KIAA1958: variants seen among roughly 807,000 people sequenced by gnomAD.
KIAA1958 encodes the protein KIAA1958, also known as uncharacterized protein KIAA1958.
In KIAA1958, 14 loss-of-function variants were observed where a neutral mutation model predicts 47.2. The observed-to-expected ratio is 0.30, with a 90% confidence interval of 0.20 to 0.46. The LOEUF is 0.46. Ranked by LOEUF, KIAA1958 falls within the 20% of genes least tolerant of loss-of-function variation. KIAA1958 has a pLI of 1.00. For synonymous variants in KIAA1958, 354 were observed against 353.3 expected, an observed-to-expected ratio of 1.00 and a Z score of -0.02; for missense variants, 803 against 909.2, an observed-to-expected ratio of 0.88 and a Z score of 1.50.
At chr9:112,493,964 A>G (rs565051481) in intron 1 of KIAA1958, among the ~76,000 whole-genome samples, 1 of 152,238 alleles carries the variant, frequency 6.6e-6, no homozygotes, top group Non-Finnish European at 1.5e-5. Context: ...TTGCAAAAGC[A>G]GCTATAGATA....
chr9:112,630,383 G>A (rs1299002865), intron 2 of KIAA1958, among the ~76,000 whole-genome samples: 1 of 152,212 alleles, frequency 6.6e-6, no homozygotes, highest in Non-Finnish European at 1.5e-5. Context: ...AGTGGCAAAT[G>A]CCTGTAATTC....
At chr9:112,555,212 C>T (rs1835220324) in intron 1 of KIAA1958, among the ~76,000 whole-genome samples, 1 of 152,148 alleles carries the variant, frequency 6.6e-6, no homozygotes, top group Non-Finnish European at 1.5e-5. Context: ...TTGCTTGTTC[C>T]ATCTCCTGGG....
Position 112,664,426 on chromosome 9 carries a change from T to C in KIAA1958, c.*4357T>C, listed in dbSNP as rs544848681. On this transcript the variant is annotated 3_prime_UTR_variant, in exon 4 of 4. Transcript: ENST00000337530. ...AGATTGCTAAAAACTTTTGAGCTAG[T>C]AGACGTTACCTTTAAGCATCAATGA... 2 of 152,340 alleles carry C rather than the reference T, an allele frequency of 1.3e-5. No individual in the cohort carries two copies. Among genetic ancestry groups the C allele is most frequent in the South Asian group, 4.1e-4 (2 of 4,824 alleles). 9.4% of individuals were successfully genotyped at this position (152,340 alleles called of 1,614,324 possible). A position where few individuals can be genotyped will look rare whatever the true frequency, so the allele number is the denominator to read the frequency against.
At chr9:112,593,422 C>G (rs533555905) in intron 2 of KIAA1958, among the ~76,000 whole-genome samples, 1 of 152,284 alleles carries the variant, frequency 6.6e-6, no homozygotes, top group South Asian at 2.1e-4. Flanking sequence ...GATTTAACAG[C>G]AGCTGGACCA....
rs143165411 is a variant in KIAA1958 at position 112,539,930 on chromosome 9, A to T, written c.-24-34127A>T. ...GGTCTTGAACTCCTGACCTCAAATGATTCACCTGCCTCAGCTTCCCAAAGT... is the reference window on the plus strand; with the variant it reads ...GGTCTTGAACTCCTGACCTCAAATGTTTCACCTGCCTCAGCTTCCCAAAGT... On this transcript the variant is annotated intron_variant, in intron 1 of 3. Coordinates refer to ENST00000337530, the MANE Select transcript of KIAA1958 (RefSeq NM_133465.4). Among the ~76,000 whole-genome samples the T allele has an allele frequency of 5.1e-4, 77 of 152,216 alleles. 1 individual carries two copies. In the East Asian group the frequency reaches 0.013, roughly 26 times the overall value.
Position 112,494,758 on chromosome 9 carries a change from G to A in KIAA1958, c.-25+7640G>A, listed in dbSNP as rs146992658. 2.3e-4 allele frequency among the ~76,000 whole-genome samples: 35 copies of A among 152,182 alleles called. 1 individual carries two copies. Among genetic ancestry groups the A allele is most frequent in the East Asian group, 1.5e-3 (8 of 5,174 alleles). ...GCTGGGATTACAGGTGTGAGCCACC[G>A]TATCTGGTGGTACCTATCTATTAAG... On this transcript the variant is annotated intron_variant, in intron 1 of 3. Coordinates refer to ENST00000337530, the MANE Select transcript of KIAA1958 (RefSeq NM_133465.4).
At position 112,574,351 on chromosome 9, in the gene KIAA1958, C is replaced by T. The variant is rs756405030; in HGVS notation, c.271C>T (p.Pro91Ser). 3.2e-5 allele frequency: 51 copies of T among 1,614,032 alleles called. No individual in the cohort carries two copies. The highest frequency in any genetic ancestry group is 4.2e-5 in the Non-Finnish European group (49 of 1,180,004). Residue 91 changes from proline to serine, a missense_variant, in exon 2 of 4, where the codon CCC becomes TCC. This residue lies in a region of KIAA1958 where 761 missense variants were observed against 829.3 expected (regional missense o/e 0.92). Coordinates refer to ENST00000337530, the MANE Select transcript of KIAA1958 (RefSeq NM_133465.4). ...TGATAGTCCCAGTATAATCGGGGTG[C>T]CCTCTGAGACACAGACTAGCCCTGT... ...NSDSPSIIGVPSETQTSPVER... is the reference protein window; with the variant it reads ...NSDSPSIIGVSSETQTSPVER...
intron 2 of KIAA1958, among the ~76,000 whole-genome samples, chr9:112,586,509 G>A (rs1382535496): frequency 1.3e-5 from 2 of 152,024 alleles, no homozygotes; most frequent in African/African-American, 4.8e-5. Flanking sequence ...TTTTTAAAAT[G>A]CTTGCAAATC....
intron 1 of KIAA1958, among the ~76,000 whole-genome samples, chr9:112,532,536 G>A (rs182835960): frequency 6.6e-6 from 1 of 152,072 alleles, no homozygotes; most frequent in Non-Finnish European, 1.5e-5. Context: ...TCCTTTCTTT[G>A]ACTGTTTCCT....
At chr9:112,541,174 G>T (rs377715700) in intron 1 of KIAA1958, among the ~76,000 whole-genome samples, 2 of 152,044 alleles carry the variant, frequency 1.3e-5, no homozygotes, top group Non-Finnish European at 2.9e-5. Flanking sequence ...AGAATATCTG[G>T]AACAATTTTG....
chr9:112,654,045 T>C (rs1386718593), intron 3 of KIAA1958, among the ~76,000 whole-genome samples: 1 of 152,186 alleles, frequency 6.6e-6, no homozygotes. Flanking sequence ...AAATGGATTC[T>C]ACTTGATCGG....
intron 2 of KIAA1958, among the ~76,000 whole-genome samples, chr9:112,621,073 A>G (rs1444255295): frequency 1.3e-5 from 2 of 152,106 alleles, no homozygotes; most frequent in Non-Finnish European, 2.9e-5. Context: ...TTTTCTATTT[A>G]AGTTTCTCAG....
At chr9:112,587,331 G>A (rs1356168991) in intron 2 of KIAA1958, among the ~76,000 whole-genome samples, 2 of 152,086 alleles carry the variant, frequency 1.3e-5, no homozygotes, top group Non-Finnish European at 2.9e-5. Flanking sequence ...TGTATTTTAA[G>A]TAGAGACGGG....
At chr9:112,628,937 G>A (rs146002679) in intron 2 of KIAA1958, among the ~76,000 whole-genome samples, 39 of 152,194 alleles carry the variant, frequency 2.6e-4, no homozygotes, top group Admixed American at 7.9e-4. Context: ...CTCTAACCCC[G>A]TAGGCCTGAA....
chr9:112,529,883 G>A (rs563476977), intron 1 of KIAA1958, among the ~76,000 whole-genome samples: 3 of 151,290 alleles, frequency 2.0e-5, no homozygotes, highest in East Asian at 3.9e-4. Context: ...TCACTCTGTC[G>A]CCCAGGCTGG....
At chr9:112,532,020 G>A (rs1020962958) in intron 1 of KIAA1958, among the ~76,000 whole-genome samples, 7 of 152,168 alleles carry the variant, frequency 4.6e-5, no homozygotes, top group Non-Finnish European at 5.9e-5. Context: ...TCCTCTCATA[G>A]GAGACTGATG....
intron 2 of KIAA1958, among the ~76,000 whole-genome samples, chr9:112,583,655 T>G (rs987622498): frequency 1.3e-5 from 2 of 152,230 alleles, no homozygotes; most frequent in African/African-American, 4.8e-5. Context: ...TGTACATTTA[T>G]TGTGTATAAA....
chr9:112,495,130 G>C (rs1295128429), intron 1 of KIAA1958, among the ~76,000 whole-genome samples: 1 of 151,898 alleles, frequency 6.6e-6, no homozygotes, highest in Non-Finnish European at 1.5e-5. Context: ...GCCCAGGCTG[G>C]TCTTGAATTC....
At chr9:112,526,567 A>T (rs754672584) in intron 1 of KIAA1958, among the ~76,000 whole-genome samples, 1 of 152,162 alleles carries the variant, frequency 6.6e-6, no homozygotes, top group Non-Finnish European at 1.5e-5. Flanking sequence ...CTTTATAATT[A>T]ACAGAAGTTT....
Sources: gnomAD v4.1 joint callset for allele counts (sites outside exome capture counted in the v4.1 genomes callset) on GRCh38, gnomAD v4.1.1 for gene constraint, gnomAD v4.1.1 regional missense constraint, MANE v1.5 for transcripts, NCBI Gene and HGNC (gene_info 2026-07-23, HGNC 2026-07-21) for gene names.